The following SCAPER variants were observed in gnomAD, a reference collection of about 807,000 sequenced individuals.
SCAPER encodes S phase cyclin A-associated protein in the endoplasmic reticulum.
In SCAPER, 98 loss-of-function variants were observed where a neutral mutation model predicts 182.2. The observed-to-expected ratio is 0.54, with a 90% confidence interval of 0.46 to 0.64. The LOEUF is 0.64. SCAPER is among the 30% of genes least tolerant of loss of function. The pLI is 0.00. For synonymous variants in SCAPER, 605 were observed against 564.6 expected, an observed-to-expected ratio of 1.07 and a Z score of -1.01; for missense variants, 1,432 against 1,690.0, an observed-to-expected ratio of 0.85 and a Z score of 2.68.
At chr15:76,552,743 C>T (rs1274845323) in intron 23 of SCAPER, among the ~76,000 whole-genome samples, 1 of 152,076 alleles carries the variant, frequency 6.6e-6, no homozygotes, top group African/African-American at 2.4e-5. Context: ...TCCATGCCTG[C>T]CCCCACCCCC....
intron 5 of SCAPER, among the ~76,000 whole-genome samples, chr15:76,815,221 A>C (rs1306223978): frequency 1.3e-5 from 2 of 152,204 alleles, no homozygotes; most frequent in Admixed American, 1.3e-4. Flanking sequence ...AAAATTAAAA[A>C]TACAACTACC....
intron 21 of SCAPER, among the ~76,000 whole-genome samples, chr15:76,629,292 T>C (rs1342348719): frequency 6.6e-6 from 1 of 152,264 alleles, no homozygotes; most frequent in Non-Finnish European, 1.5e-5. Context: ...CTTCTAAAAC[T>C]ATGTTGAATA....
chr15:76,603,915 T>C lies in SCAPER; in HGVS notation c.2711+17849A>G, dbSNP rs558232163. Among the ~76,000 whole-genome samples, 3 of 121,750 alleles carry C rather than the reference T, an allele frequency of 2.5e-5. No homozygotes were observed. In the East Asian group the frequency reaches 6.6e-4, roughly 27 times the overall value. 79.9% of individuals were successfully genotyped at this position (121,750 alleles called of 152,430 possible). The stretch of plus-strand genomic sequence containing the variant: ...GTAAATTTGAGTTCATTGTAGATTC[T>C]GGATATTAGCCCTTTGTCAGATGAG... On this transcript the variant is annotated intron_variant, in intron 22 of 31. Transcript: ENST00000563290.
intron 27 of SCAPER, among the ~76,000 whole-genome samples, chr15:76,404,109 C>T (rs1327082378): frequency 6.6e-6 from 1 of 152,122 alleles, no homozygotes; most frequent in African/African-American, 2.4e-5. Context: ...AACCTAGCAG[C>T]CTATAACTGA....
chr15:76,757,840 T>C (rs952244012), intron 14 of SCAPER, among the ~76,000 whole-genome samples: 1 of 152,174 alleles, frequency 6.6e-6, no homozygotes. Flanking sequence ...TCGATTTCCA[T>C]TTCCCCTGAT....
intron 3 of SCAPER, among the ~76,000 whole-genome samples, chr15:76,861,499 A>C (rs1407179392): frequency 6.6e-6 from 1 of 152,188 alleles, no homozygotes; most frequent in Non-Finnish European, 1.5e-5. Flanking sequence ...AGAAAATTTC[A>C]AAGTGAGGTA....
intron 5 of SCAPER, among the ~76,000 whole-genome samples, chr15:76,806,440 T>C (rs1420947495): frequency 6.6e-6 from 1 of 152,226 alleles, no homozygotes; most frequent in Non-Finnish European, 1.5e-5. Flanking sequence ...TTGATTATTG[T>C]GGTTTTGTAC....
intron 26 of SCAPER, among the ~76,000 whole-genome samples, chr15:76,418,204 C>T (rs1286450051): frequency 2.6e-5 from 4 of 152,096 alleles, no homozygotes; most frequent in Non-Finnish European, 5.9e-5. Flanking sequence ...GCAGCAAAAT[C>T]CCTGTGGAAC....
intron 1 of SCAPER, among the ~76,000 whole-genome samples, chr15:76,892,546 T>C (rs2074222777): frequency 6.6e-6 from 1 of 152,214 alleles, no homozygotes; most frequent in Non-Finnish European, 1.5e-5. Flanking sequence ...AAGACATTTA[T>C]ACAGCCAACA....
intron 5 of SCAPER, among the ~76,000 whole-genome samples, chr15:76,835,329 T>A (rs116970681): frequency 6.6e-6 from 1 of 151,722 alleles, no homozygotes; most frequent in African/African-American, 2.4e-5. Flanking sequence ...AAGCAGCACA[T>A]CAAAAAGTTA....
At chr15:76,416,581 C>T (rs953776134) in intron 26 of SCAPER, among the ~76,000 whole-genome samples, 4 of 151,934 alleles carry the variant, frequency 2.6e-5, no homozygotes, top group Non-Finnish European at 5.9e-5. Flanking sequence ...GTTGAGGGTA[C>T]AAGGACATAC....
At chr15:76,643,937 A>G (rs1259612685) in intron 21 of SCAPER, among the ~76,000 whole-genome samples, 1 of 152,182 alleles carries the variant, frequency 6.6e-6, no homozygotes, top group East Asian at 1.9e-4. Flanking sequence ...ATGATTCCAG[A>G]TGATTGTGAT....
intron 5 of SCAPER, among the ~76,000 whole-genome samples, chr15:76,827,262 G>GA (rs1452917548): frequency 6.6e-6 from 1 of 152,120 alleles, no homozygotes; most frequent in Non-Finnish European, 1.5e-5. Context: ...ATTTCATCCT[G>GA]TTGCATTATG....
At chr15:76,744,678 T>C (rs148815247) in intron 15 of SCAPER, among the ~76,000 whole-genome samples, 93 of 152,306 alleles carry the variant, frequency 6.1e-4, no homozygotes, top group Non-Finnish European at 1.1e-3. Flanking sequence ...TTATACACTG[T>C]TGGTGGGAAT....
At chr15:76,752,867 G>GATAA (rs1230297309) in intron 15 of SCAPER, among the ~76,000 whole-genome samples, 1 of 150,810 alleles carries the variant, frequency 6.6e-6, no homozygotes, top group Non-Finnish European at 1.5e-5. Context: ...TGATTCAGAT[G>GATAA]ATAAATTTTA....
chr15:76,851,071 T>C lies in SCAPER; in HGVS notation c.195+6738A>G, dbSNP rs145008265. Among the ~76,000 whole-genome samples the C allele has an allele frequency of 1.1e-4, 16 of 151,958 alleles. 1 individual carries two copies. In the East Asian group the frequency reaches 2.9e-3, roughly 28 times the overall value. On this transcript the variant is annotated intron_variant, in intron 4 of 31. Coordinates refer to ENST00000563290, the MANE Select transcript of SCAPER (RefSeq NM_020843.4). Reference sequence around the variant, plus strand: ...AATTTCACAACACAATCACAAGTATTAACAGAATAGACCAAGCTGAGGAAA... The same window carrying C: ...AATTTCACAACACAATCACAAGTATCAACAGAATAGACCAAGCTGAGGAAA...
chr15:76,390,746 T>TG (rs1205432209), intron 27 of SCAPER, among the ~76,000 whole-genome samples: 1 of 152,200 alleles, frequency 6.6e-6, no homozygotes, highest in Non-Finnish European at 1.5e-5. Flanking sequence ...GTTGATACTT[T>TG]GGGGCTCTCT....
At position 76,381,588 on chromosome 15, in the gene SCAPER, G is replaced by A. The variant is rs2042943801; in HGVS notation, c.3495C>T (p.Arg1165=). Residue 1165 remains arginine (R), a synonymous_variant, in exon 28 of 32, where the codon CGC becomes CGT. Transcript: ENST00000563290. ...CAGCTGTCAGCCCTGTGGGATCCTGGCGATTATTGTCAAATATGCTGTATG... is the reference window on the plus strand; with the variant it reads ...CAGCTGTCAGCCCTGTGGGATCCTGACGATTATTGTCAAATATGCTGTATG... ...GRSYSIFDNN[R]QDPTGLTAAL... 2 of 1,601,732 alleles carry A rather than the reference G, an allele frequency of 1.2e-6. No homozygotes were observed. The highest frequency in any genetic ancestry group is 1.7e-5 in the Admixed American group (1 of 58,006).
Position 76,404,560 on chromosome 15 carries a change from T to C in SCAPER, c.3431A>G (p.His1144Arg), listed in dbSNP as rs137972092. The C allele has an allele frequency of 1.2e-4, 192 of 1,613,398 alleles. No homozygotes were observed. In the Middle Eastern group the frequency reaches 2.8e-3, roughly 24 times the overall value. ...IFLQHAAGLLHAMCTLCFAVT... is the reference protein window; with the variant it reads ...IFLQHAAGLLRAMCTLCFAVT... Reference sequence around the variant, plus strand: ...AGCAAAGCACAGTGTACACATTGCATGTAAGAGTCCTGCGGCATGCTGCAG... The same window carrying C: ...AGCAAAGCACAGTGTACACATTGCACGTAAGAGTCCTGCGGCATGCTGCAG... The change falls in exon 27 of 32, where the codon CAT (histidine) becomes CGT (arginine). Residue 1144 changes from histidine to arginine, a missense_variant. Transcript: ENST00000563290.
Sources: gnomAD v4.1 joint callset for allele counts (sites outside exome capture counted in the v4.1 genomes callset) on GRCh38, gnomAD v4.1.1 for gene constraint, MANE v1.5 for transcripts, NCBI Gene and HGNC (gene_info 2026-07-23, HGNC 2026-07-21) for gene names.